Variants in C4orf36 observed in about 807,000 individuals in gnomAD.
The protein encoded by C4orf36 is uncharacterized protein C4orf36.
C4orf36 carries 11 observed loss-of-function variants against 12.2 expected under a neutral mutation model. The observed-to-expected ratio is 0.90, with a 90% CI of 0.57 to 1.49. The LOEUF (loss-of-function observed/expected upper bound fraction) is 1.49. C4orf36 is among the 40% of genes most tolerant of loss of function. The pLI, the probability that C4orf36 is intolerant of heterozygous loss-of-function variation, is 0.00. For synonymous variants in C4orf36, 54 were observed against 51.3 expected, an observed-to-expected ratio of 1.05 and a Z score of -0.22; for missense variants, 137 against 133.9, an observed-to-expected ratio of 1.02 and a Z score of -0.11.
In C4orf36 at chr4:86,888,133, G is replaced by A. The variant is rs1231736071; in HGVS notation, c.208C>T (p.Pro70Ser). 1.9e-6 allele frequency: 3 copies of A among 1,612,896 alleles called. No individual in the cohort carries two copies. Among genetic ancestry groups the A allele is most frequent in the South Asian group, 1.1e-5 (1 of 90,624 alleles). ...TTAAGGAACTTACATTCTGCAGAAG[G>A]GAGCAGTCCATCTTTAATGGTGGTA... Reference protein sequence around the residue: ...KCTTIKDGLLPSAESIKLERE... With the variant: ...KCTTIKDGLLSSAESIKLERE... The change falls in exon 3 of 5, where the codon CCT (proline) becomes TCT (serine). Residue 70 changes from proline (P) to serine (S), a missense_variant. Pro to Ser is a moderately conservative substitution (Grantham distance 74). Transcript: ENST00000295898.
the C4orf36 span, among the ~76,000 whole-genome samples, chr4:86,920,888 T>C: frequency 6.6e-6 from 1 of 151,926 alleles, no homozygotes; most frequent in African/African-American, 2.4e-5. Flanking sequence ...TCCCAGCACT[T>C]TGTGGGGCCG....
At chr4:86,877,788 T>C (rs1190424013) in intron 4 of C4orf36, among the ~76,000 whole-genome samples, 2 of 152,318 alleles carry the variant, frequency 1.3e-5, no homozygotes, top group East Asian at 3.9e-4. Flanking sequence ...TGGACCTACA[T>C]GGATTATAAC....
chr4:86,930,068 A>G, the C4orf36 span, among the ~76,000 whole-genome samples: 1 of 152,308 alleles, frequency 6.6e-6, no homozygotes, highest in East Asian at 1.9e-4. Flanking sequence ...GAGTTCTTGA[A>G]GTTGTGACAT....
the C4orf36 span, among the ~76,000 whole-genome samples, chr4:86,910,910 A>G: frequency 6.6e-6 from 1 of 151,324 alleles, no homozygotes; most frequent in African/African-American, 2.4e-5. Context: ...CTAAAGATAC[A>G]AAAAAAATAG....
chr4:86,918,942 G>C, the C4orf36 span, among the ~76,000 whole-genome samples: 1 of 152,104 alleles, frequency 6.6e-6, no homozygotes, highest in Non-Finnish European at 1.5e-5. Flanking sequence ...GATGCTGGTA[G>C]TGTGACTCAG....
At chr4:86,919,569 C>T in the C4orf36 span, among the ~76,000 whole-genome samples, 5 of 152,032 alleles carry the variant, frequency 3.3e-5, no homozygotes, top group Non-Finnish European at 7.4e-5. Context: ...AAGTGATCTG[C>T]CTGCCTCAGC....
the C4orf36 span, chr4:86,935,604 T>G: frequency 6.6e-6 from 1 of 151,262 alleles, no homozygotes. Flanking sequence ...CTACTTGAGT[T>G]GCGTAATGAG....
the C4orf36 span, among the ~76,000 whole-genome samples, chr4:86,934,303 C>T: frequency 6.6e-6 from 1 of 152,132 alleles, no homozygotes; most frequent in Admixed American, 6.6e-5. Flanking sequence ...CAGCAGGAAT[C>T]GGGCAGCGAC....
the C4orf36 span, among the ~76,000 whole-genome samples, chr4:86,901,818 C>G: frequency 1.3e-5 from 2 of 152,168 alleles, no homozygotes; most frequent in Non-Finnish European, 2.9e-5. Flanking sequence ...ATACTCCCAC[C>G]TGCTATGGGT....
At chr4:86,894,232 A>C (rs1225537302), upstream of C4orf36, among the ~76,000 whole-genome samples, 10 of 152,170 alleles carry the variant, frequency 6.6e-5, no homozygotes, top group Non-Finnish European at 2.9e-5. Flanking sequence ...TTAGCATAGA[A>C]TGGCGAATAA....
the C4orf36 span, among the ~76,000 whole-genome samples, chr4:86,928,448 C>T: frequency 6.6e-6 from 1 of 152,154 alleles, no homozygotes; most frequent in Non-Finnish European, 1.5e-5. Context: ...ATTGGCCAAA[C>T]CCACCCAGAA....
chr4:86,924,516 T>A, the C4orf36 span: 1 of 152,272 alleles, frequency 6.6e-6, no homozygotes. Context: ...CTAATTTTTT[T>A]ATTTTTTATA....
chr4:86,925,064 A>G, the C4orf36 span: 2 of 152,182 alleles, frequency 1.3e-5, no homozygotes, highest in South Asian at 4.1e-4. Context: ...GAACTCACTC[A>G]CTGTCATGAG....
the C4orf36 span, among the ~76,000 whole-genome samples, chr4:86,905,436 C>G: frequency 6.6e-6 from 1 of 151,958 alleles, no homozygotes; most frequent in Non-Finnish European, 1.5e-5. Flanking sequence ...GCCTGTAGTC[C>G]CAGGTACTTG....
chr4:86,914,144 T>C, the C4orf36 span: 3 of 1,598,424 alleles, frequency 1.9e-6, no homozygotes, highest in Non-Finnish European at 1.7e-6. Flanking sequence ...TGAATCGTGC[T>C]CCACTTCCCA....
chr4:86,924,600 C>G, the C4orf36 span: 16 of 152,590 alleles, frequency 1.0e-4, no homozygotes, highest in East Asian at 2.9e-3. Flanking sequence ...GCCTTGGCTT[C>G]CCAAAGTGCT....
chr4:86,913,973 A>T, the C4orf36 span: 1 of 1,555,642 alleles, frequency 6.4e-7, no homozygotes, highest in Non-Finnish European at 8.9e-7. Context: ...CCACTTCTTT[A>T]ATGTAGGCAG....
chr4:86,929,774 A>T, the C4orf36 span, among the ~76,000 whole-genome samples: 1 of 152,246 alleles, frequency 6.6e-6, no homozygotes, highest in Non-Finnish European at 1.5e-5. Flanking sequence ...ATAAAACAAA[A>T]AAAGGGAAGA....
At chr4:86,913,142 C>A in the C4orf36 span, 1 of 296,280 alleles carries the variant, frequency 3.4e-6, no homozygotes, top group Non-Finnish European at 6.4e-6. Flanking sequence ...ATGGTATTGG[C>A]GTGATATATG....
Sources: gnomAD v4.1 joint callset for allele counts (sites outside exome capture counted in the v4.1 genomes callset) on GRCh38, gnomAD v4.1.1 for gene constraint, MANE v1.5 for transcripts, NCBI Gene and HGNC (gene_info 2026-07-23, HGNC 2026-07-21) for gene names.